The following FHIT variants were observed in gnomAD, a reference collection of about 807,000 sequenced individuals.
FHIT encodes the protein fragile histidine triad diadenosine triphosphatase, also known as bis(5'-adenosyl)-triphosphatase.
FHIT carries 19 observed loss-of-function variants against 17.9 expected under a neutral mutation model. That is an observed-to-expected ratio of 1.06 (90% CI 0.74 to 1.56). The LOEUF is 1.56. FHIT is among the 40% of genes most tolerant of loss of function. The probability of loss-of-function intolerance (pLI) is 0.00; values close to 1 mark genes in which losing one functional copy is unlikely to be tolerated. For synonymous variants in FHIT, 81 were observed against 69.7 expected, an observed-to-expected ratio of 1.16 and a Z score of -0.81; for missense variants, 248 against 189.2, an observed-to-expected ratio of 1.31 and a Z score of -1.82.
chr3:60,262,678 C>T lies in FHIT; in HGVS notation c.104-248526G>A, dbSNP rs537788144. On this transcript the variant is annotated intron_variant, in intron 5 of 9. Transcript: ENST00000492590. ...TTAGCTAAGATTAGAACTCTTTTTACCCCTAAAACTGCTAGACGCTGAAAT... is the reference window on the plus strand; with the variant it reads ...TTAGCTAAGATTAGAACTCTTTTTATCCCTAAAACTGCTAGACGCTGAAAT... Among the ~76,000 whole-genome samples the T allele has an allele frequency of 2.6e-4, 40 of 151,930 alleles. 1 individual carries two copies. Among genetic ancestry groups the T allele is most frequent in the South Asian group, 8.3e-4 (4 of 4,820 alleles).
At chr3:60,825,256 T>A (rs1320002962) in intron 3 of FHIT, among the ~76,000 whole-genome samples, 1 of 152,086 alleles carries the variant, frequency 6.6e-6, no homozygotes, top group East Asian at 1.9e-4. Context: ...TAAATCAGTA[T>A]AACAAAACTT....
chr3:59,909,501 T>C (rs1704763862), intron 8 of FHIT, among the ~76,000 whole-genome samples: 1 of 152,172 alleles, frequency 6.6e-6, no homozygotes, highest in South Asian at 2.1e-4. Context: ...GGCTAATTTT[T>C]GTATTTTTAG....
At chr3:60,487,552 C>T (rs1378705099) in intron 5 of FHIT, among the ~76,000 whole-genome samples, 1 of 152,162 alleles carries the variant, frequency 6.6e-6, no homozygotes, top group Non-Finnish European at 1.5e-5. Context: ...ATCTTTGGTG[C>T]AGCAATTAAT....
intron 5 of FHIT, among the ~76,000 whole-genome samples, chr3:60,534,849 C>G (rs2035924419): frequency 6.6e-6 from 1 of 152,162 alleles, no homozygotes; most frequent in Non-Finnish European, 1.5e-5. Flanking sequence ...TCACTATTCA[C>G]TACAGATATT....
At chr3:60,998,199 G>A (rs1420532162) in intron 3 of FHIT, among the ~76,000 whole-genome samples, 7 of 152,150 alleles carry the variant, frequency 4.6e-5, no homozygotes. Flanking sequence ...ACAATAACCA[G>A]TAAGATGAGC....
At chr3:60,928,769 C>T (rs565497451) in intron 3 of FHIT, among the ~76,000 whole-genome samples, 4 of 152,090 alleles carry the variant, frequency 2.6e-5, no homozygotes, top group Admixed American at 6.6e-5. Flanking sequence ...GATTCACAGC[C>T]GAATTCTACC....
intron 5 of FHIT, among the ~76,000 whole-genome samples, chr3:60,348,882 G>A (rs142469583): frequency 3.0e-4 from 45 of 152,284 alleles, no homozygotes; most frequent in East Asian, 1.2e-3. Flanking sequence ...TATTTAGAGC[G>A]GAGCTAAGTC....
intron 8 of FHIT, among the ~76,000 whole-genome samples, chr3:59,774,598 C>G (rs996681317): frequency 6.6e-6 from 1 of 152,150 alleles, no homozygotes; most frequent in Non-Finnish European, 1.5e-5. Context: ...ATGTTAGCCA[C>G]CATTAATATT....
At chr3:61,214,604 C>G (rs1576237720) in intron 1 of FHIT, among the ~76,000 whole-genome samples, 2 of 152,100 alleles carry the variant, frequency 1.3e-5, no homozygotes, top group East Asian at 3.9e-4. Context: ...ACCATTCCTT[C>G]TGAAACTATT....
At chr3:60,385,908 G>T (rs575761765) in intron 5 of FHIT, among the ~76,000 whole-genome samples, 11 of 152,266 alleles carry the variant, frequency 7.2e-5, no homozygotes, top group African/African-American at 2.2e-4. Context: ...TACTCTAAGA[G>T]ATTAACCCTA....
At chr3:60,016,289 T>A (rs978251975) in intron 5 of FHIT, among the ~76,000 whole-genome samples, 28 of 152,336 alleles carry the variant, frequency 1.8e-4, no homozygotes, top group Middle Eastern at 3.4e-3. Flanking sequence ...ATAGAGTTTT[T>A]TTAGCAATAA....
intron 8 of FHIT, among the ~76,000 whole-genome samples, chr3:59,834,025 A>T (rs1294021192): frequency 6.6e-6 from 1 of 152,200 alleles, no homozygotes; most frequent in Non-Finnish European, 1.5e-5. Flanking sequence ...AAACTATTCC[A>T]GTCTCACATA....
At chr3:60,668,714 A>G (rs1403155550) in intron 4 of FHIT, among the ~76,000 whole-genome samples, 7 of 152,132 alleles carry the variant, frequency 4.6e-5, no homozygotes, top group East Asian at 1.9e-4. Flanking sequence ...AGTGCCCACC[A>G]CTACGCCTGG....
At chr3:60,790,818 G>C (rs1454633614) in intron 4 of FHIT, among the ~76,000 whole-genome samples, 4 of 152,156 alleles carry the variant, frequency 2.6e-5, no homozygotes, top group Admixed American at 2.6e-4. Flanking sequence ...GTTAACAATA[G>C]TGTAGCAATA....
At chr3:60,346,735 T>A (rs1046861881) in intron 5 of FHIT, among the ~76,000 whole-genome samples, 1 of 152,204 alleles carries the variant, frequency 6.6e-6, no homozygotes, top group Admixed American at 6.5e-5. Context: ...CTAAATTGCA[T>A]TAAAACAAGA....
At chr3:60,577,062 A>T (rs1442980326) in intron 4 of FHIT, among the ~76,000 whole-genome samples, 5 of 152,102 alleles carry the variant, frequency 3.3e-5, no homozygotes, top group African/African-American at 7.2e-5. Context: ...ATGGAAAAAA[A>T]TTGTATGCTG....
At chr3:60,593,188 A>T (rs1553665008) in intron 4 of FHIT, among the ~76,000 whole-genome samples, 1 of 152,158 alleles carries the variant, frequency 6.6e-6, no homozygotes, top group Non-Finnish European at 1.5e-5. Context: ...AAACTTAGTT[A>T]TACTCTCTCA....
chr3:60,674,724 A>G (rs1178665672), intron 4 of FHIT, among the ~76,000 whole-genome samples: 1 of 152,064 alleles, frequency 6.6e-6, no homozygotes, highest in East Asian at 1.9e-4. Context: ...GCCCTCTCAG[A>G]CTAAGAATTC....
At chr3:60,691,654 C>T (rs190859705) in intron 4 of FHIT, among the ~76,000 whole-genome samples, 1 of 152,308 alleles carries the variant, frequency 6.6e-6, no homozygotes, top group Non-Finnish European at 1.5e-5. Flanking sequence ...GCTTGAGGTA[C>T]CACACCTGGC....
Sources: gnomAD v4.1 joint callset for allele counts (sites outside exome capture counted in the v4.1 genomes callset) on GRCh38, gnomAD v4.1.1 for gene constraint, MANE v1.5 for transcripts, NCBI Gene and HGNC (gene_info 2026-07-23, HGNC 2026-07-21) for gene names.